Variants in CORO6 observed in about 807,000 individuals in gnomAD.
CORO6 encodes coronin 6.
Under a neutral mutation model 49.0 loss-of-function variants are expected in CORO6, and 43 were observed. The observed-to-expected ratio is 0.88, with a 90% CI of 0.69 to 1.13. The LOEUF (loss-of-function observed/expected upper bound fraction) is 1.13. Among genes scored for constraint, CORO6 ranks in the 50% most tolerant of loss-of-function variants. The probability of loss-of-function intolerance (pLI) is 0.00; values close to 1 mark genes in which losing one functional copy is unlikely to be tolerated. For missense variants in CORO6, 650 were observed against 647.0 expected (o/e 1.00, Z -0.05); for synonymous variants, 233 against 256.5 (o/e 0.91, Z 0.88).
chr17:29,615,864 C>T lies in CORO6; in HGVS notation c.1294-7G>A. 3 of 1,597,382 alleles carry T rather than the reference C, an allele frequency of 1.9e-6. No homozygotes were observed. Among genetic ancestry groups the T allele is most frequent in the African/African-American group, 1.3e-5 (1 of 74,438 alleles). On this transcript the variant is annotated splice_polypyrimidine_tract_variant and splice_region_variant and intron_variant, in intron 10 of 10. Transcript: ENST00000388767. The stretch of plus-strand genomic sequence containing the variant: ...TCTCCAGGGTGTGCTGCTGCTGGGG[C>T]GGAGGACAGAGAGGCCGTGTCGTAT...
At chr17:29,622,429 G>A (rs1445000022) in intron 1 of CORO6, among the ~76,000 whole-genome samples, 1 of 152,218 alleles carries the variant, frequency 6.6e-6, no homozygotes, top group Non-Finnish European at 1.5e-5. Context: ...CCTTCAAGGC[G>A]CGTCTGCGGC....
In CORO6 at chr17:29,619,740, T is replaced by A. The variant is rs538399226; in HGVS notation, c.232A>T (p.Thr78Ser). The change falls in exon 3 of 11, where the codon ACT (threonine) becomes TCT (serine). Residue 78 changes from threonine (T) to serine (S), a missense_variant. Thr to Ser is a moderately conservative substitution (Grantham distance 58). Transcript: ENST00000388767. ...GRVDKNYPLV[T>S]GHTAPVLDID... Reference sequence around the variant, plus strand: ...TCCAGCACAGGGGCAGTGTGCCCAGTGACCAGTGGGTAGTTCTTATCCACT... The same window carrying A: ...TCCAGCACAGGGGCAGTGTGCCCAGAGACCAGTGGGTAGTTCTTATCCACT... The A allele has an allele frequency of 6.2e-7, 1 of 1,613,632 alleles. No homozygotes were observed. Among genetic ancestry groups the A allele is most frequent in the Admixed American group, 1.7e-5 (1 of 60,010 alleles).
At chr17:29,617,765 C>T in intron 5 of CORO6, 146 bp from the exon 6 acceptor site, 1 of 911,406 alleles carries the variant, frequency 1.1e-6, no homozygotes, top group Non-Finnish European at 1.6e-6. Context: ...AAGCACTCAG[C>T]TTCCTGCGGG....
Position 29,621,596 on chromosome 17 carries a change from G to T in CORO6, c.-63-112C>A. ...CCTAGAAGCAGGGAGCTTTCTTCAA[G>T]GTGGTCAAAGTATGGGAAAGTTATT... On this transcript the variant is annotated intron_variant, in intron 1 of 10. Transcript: ENST00000388767. This position sits in a 1 kb window ranked among gnomAD's most constrained non-coding sequence, Gnocchi z 4.2. 8.6e-7 allele frequency: 1 copy of T among 1,162,466 alleles called. No homozygotes were observed. Among genetic ancestry groups the T allele is most frequent in the Non-Finnish European group, 1.2e-6 (1 of 843,478 alleles). The allele number at this position is 1,162,466 out of a possible 1,614,324, so 72.0% of individuals were successfully genotyped here.
At position 29,615,663 on chromosome 17, in the gene CORO6, CG is replaced by C. The variant is rs2034822376; in HGVS notation, c.*68del. On this transcript the variant is annotated 3_prime_UTR_variant, in exon 11 of 11. Coordinates refer to ENST00000388767, the MANE Select transcript of CORO6 (RefSeq NM_032854.4). ...GCCCAAGAAGGCGGGGTCCGGAGTT[CG>C]GGACTAAAAGCCGGGGCGGGGCCGA... The C allele has an allele frequency of 5.6e-6, 8 of 1,419,912 alleles. No homozygotes were observed. The highest frequency in any genetic ancestry group is 7.4e-6 in the Non-Finnish European group (8 of 1,087,836). The allele number at this position is 1,419,912 out of a possible 1,614,324, so 88.0% of individuals were successfully genotyped here. A position where few individuals can be genotyped will look rare whatever the true frequency, so the allele number is the denominator to read the frequency against.
At position 29,617,048 on chromosome 17, in the gene CORO6, C is replaced by G; in HGVS notation, c.754-6G>C. 1 of 1,613,058 alleles carries G rather than the reference C, an allele frequency of 6.2e-7. No individual in the cohort carries two copies. The highest frequency in any genetic ancestry group is 2.2e-5 in the East Asian group (1 of 44,880). On this transcript the variant is annotated splice_region_variant and splice_polypyrimidine_tract_variant and intron_variant, in intron 6 of 10. Coordinates refer to ENST00000388767, the MANE Select transcript of CORO6 (RefSeq NM_032854.4). ...ACTGGCTCCTCGAAGTTGTTCTGCC[C>G]GAGCACAGGAGGCGTGACCAGCCCT...
intron 3 of CORO6, 102 bp downstream of exon 3, chr17:29,619,549 G>A (rs1398045966): frequency 3.3e-6 from 4 of 1,194,112 alleles, no homozygotes; most frequent in Non-Finnish European, 3.7e-6. Flanking sequence ...CTGGGACCCA[G>A]CACCTCCCTT....
Position 29,615,452 on chromosome 17 carries a change from C to T in CORO6, c.*280G>A. On this transcript the variant is annotated 3_prime_UTR_variant, in exon 11 of 11. Transcript: ENST00000388767. Reference sequence around the variant, plus strand: ...CGGAGGACAAAGGGGGACACCACCTCGCCGTGCAGCACCATTGCTGAGCCC... The same window carrying T: ...CGGAGGACAAAGGGGGACACCACCTTGCCGTGCAGCACCATTGCTGAGCCC... 1 of 389,440 alleles carries T rather than the reference C, an allele frequency of 2.6e-6. No individual in the cohort carries two copies. Among genetic ancestry groups the T allele is most frequent in the Non-Finnish European group, 4.6e-6 (1 of 217,284 alleles). 24.1% of individuals were successfully genotyped at this position (389,440 alleles called of 1,614,324 possible).
rs1261520261 is a variant in CORO6 at position 29,622,817 on chromosome 17, C to A, written c.-193G>T. 10 of 1,310,396 alleles carry A rather than the reference C, an allele frequency of 7.6e-6. No individual in the cohort carries two copies. The highest frequency in any genetic ancestry group is 1.0e-5 in the Non-Finnish European group (10 of 993,894). 81.2% of individuals were successfully genotyped at this position (1,310,396 alleles called of 1,614,324 possible). Reference sequence around the variant, plus strand: ...TCCGGGTGTCTGTAGTATCTGGGACCCGGGTGTCCAGCTCCGCACTCTGGC... The same window carrying A: ...TCCGGGTGTCTGTAGTATCTGGGACACGGGTGTCCAGCTCCGCACTCTGGC... On this transcript the variant is annotated 5_prime_UTR_variant, in exon 1 of 11. Transcript: ENST00000388767.
intron 4 of CORO6, 26 bp downstream of exon 4, chr17:29,619,034 G>A (rs759141013): frequency 1.2e-6 from 2 of 1,611,990 alleles, no homozygotes; most frequent in South Asian, 1.1e-5. Flanking sequence ...ACCCATCTAT[G>A]GGGGACCCCT....
chr17:29,619,822 T>TG (rs747839405), intron 2 of CORO6, 49 bp from the exon 3 acceptor site: 3 of 1,573,582 alleles, frequency 1.9e-6, no homozygotes, highest in South Asian at 2.2e-5. Flanking sequence ...GTGTGTTTTT[T>TG]GGGGAGTGGG....
Position 29,621,373 on chromosome 17 carries a change from G to A in CORO6, c.49C>T (p.Gln17Ter). Residue 17 changes from glutamine (Q) to a stop codon, truncating the protein, a stop_gained, in exon 2 of 11, where the codon CAG (glutamine) becomes TAG (stop). Coordinates refer to ENST00000388767, the MANE Select transcript of CORO6 (RefSeq NM_032854.4). LOFTEE classifies it high-confidence loss of function. This position sits in a 1 kb window ranked among gnomAD's most constrained non-coding sequence, Gnocchi z 4.2. The stretch of plus-strand genomic sequence containing the variant: ...TAGGCCTGGTCGGCCTTTGCTGCCT[G>A]CCCAAACACATGGCGGAACTTGCTT... Reference protein sequence around the residue: ...RQSKFRHVFGQAAKADQAYED... With the variant: ...RQSKFRHVFG 1.9e-6 allele frequency: 3 copies of A among 1,614,014 alleles called. No individual in the cohort carries two copies. Among genetic ancestry groups the A allele is most frequent in the South Asian group, 1.1e-5 (1 of 91,058 alleles).
At position 29,621,182 on chromosome 17, in the gene CORO6, A is replaced by C. The variant is rs1216916672; in HGVS notation, c.198+42T>G. On this transcript the variant is annotated intron_variant, in intron 2 of 10. Coordinates refer to ENST00000388767, the MANE Select transcript of CORO6 (RefSeq NM_032854.4). This position sits in a 1 kb window ranked among gnomAD's most constrained non-coding sequence, Gnocchi z 4.2. ...AGGCTCAGGAGTTCCCAGGGGCCCC[A>C]GCTAGTGTCCTCCCACTTGCTTCCT... is the stretch of plus-strand genomic sequence containing the variant. 5 of 1,611,750 alleles carry C rather than the reference A, an allele frequency of 3.1e-6. No individual in the cohort carries two copies. The African/African-American group carries it at 5.3e-5, about 17-fold the overall frequency.
At position 29,616,897 on chromosome 17, in the gene CORO6, C is replaced by T. The variant is rs2034977256; in HGVS notation, c.858+41G>A. 2 of 1,613,616 alleles carry T rather than the reference C, an allele frequency of 1.2e-6. No homozygotes were observed. Among genetic ancestry groups the T allele is most frequent in the East Asian group, 4.5e-5 (2 of 44,880 alleles). On this transcript the variant is annotated intron_variant, in intron 7 of 10. Transcript: ENST00000388767. The surrounding 1 kb of genome is among the most constrained non-coding windows in gnomAD (Gnocchi z 5.6). ...CGCGCCCGGACAAGGCCCTCCACAT[C>T]TCCATCCAGTGCCCTGTTCTCCCTG...
At chr17:29,617,650 C>A in intron 5 of CORO6, 31 bp from the exon 6 acceptor site, 1 of 1,559,104 alleles carries the variant, frequency 6.4e-7, no homozygotes, top group South Asian at 1.2e-5. Flanking sequence ...GGAGGGACAT[C>A]ACCCAGCTGC....
chr17:29,617,131 T>C, intron 6 of CORO6, 89 bp from the exon 7 acceptor site: 1 of 1,582,472 alleles, frequency 6.3e-7, no homozygotes, highest in African/African-American at 1.3e-5. Flanking sequence ...CTTCCTGGCC[T>C]TCCCAAACCC....
chr17:29,618,683 G>A, intron 5 of CORO6, 107 bp downstream of exon 5: 1 of 1,456,716 alleles, frequency 6.9e-7, no homozygotes, highest in Non-Finnish European at 9.1e-7. Context: ...GCAGGGATGC[G>A]ACAGGTGAAA....
rs565318023 is a variant in CORO6 at position 29,614,943 on chromosome 17, T to A, written c.*789A>T. On this transcript the variant is annotated 3_prime_UTR_variant, in exon 11 of 11. Coordinates refer to ENST00000388767, the MANE Select transcript of CORO6 (RefSeq NM_032854.4). Reference sequence around the variant, plus strand: ...CATTTGCAGAGGCTGGGGGTCTCGTTCCCCTCACTCCCACCCATGCAGGAG... The same window carrying A: ...CATTTGCAGAGGCTGGGGGTCTCGTACCCCTCACTCCCACCCATGCAGGAG... The A allele has an allele frequency of 6.6e-6, 1 of 152,174 alleles. No individual in the cohort carries two copies. The highest frequency in any genetic ancestry group is 1.5e-5 in the Non-Finnish European group (1 of 68,012). 9.4% of individuals were successfully genotyped at this position (152,174 alleles called of 1,614,324 possible). A position where few individuals can be genotyped will look rare whatever the true frequency, so the allele number is the denominator to read the frequency against.
Position 29,615,073 on chromosome 17 carries a change from C to T in CORO6, c.*659G>A, listed in dbSNP as rs2034779509. ...GCAGTGTGTGTGTATTTGTGATGAA[C>T]CTAACTCCTCATGCCAGTTCTCTCG... On this transcript the variant is annotated 3_prime_UTR_variant, in exon 11 of 11. Coordinates refer to ENST00000388767, the MANE Select transcript of CORO6 (RefSeq NM_032854.4). 1 of 152,220 alleles carries T rather than the reference C, an allele frequency of 6.6e-6. No homozygotes were observed. Among genetic ancestry groups the T allele is most frequent in the Non-Finnish European group, 1.5e-5 (1 of 68,038 alleles). 9.4% of individuals were successfully genotyped at this position (152,220 alleles called of 1,614,324 possible). A position where few individuals can be genotyped will look rare whatever the true frequency, so the allele number is the denominator to read the frequency against.
Sources: allele counts gnomAD v4.1 joint callset (sites outside exome capture counted in the v4.1 genomes callset), GRCh38; gene constraint gnomAD v4.1.1; non-coding constraint Gnocchi (gnomAD v3.1); transcripts MANE v1.5; gene names NCBI Gene and HGNC (gene_info 2026-07-23, HGNC 2026-07-21).